The following CTNNA2 variants were observed in gnomAD, a reference collection of about 807,000 sequenced individuals.
CTNNA2 encodes catenin alpha 2, also known as catenin alpha-2.
Under a neutral mutation model 101.0 loss-of-function variants are expected in CTNNA2, and 42 were observed. That is an observed-to-expected ratio of 0.42 (90% CI 0.32 to 0.54). CTNNA2 has a LOEUF of 0.54. Ranked by LOEUF, CTNNA2 falls within the 20% of genes least tolerant of loss-of-function variation. The probability of loss-of-function intolerance (pLI) is 0.14; values close to 1 mark genes in which losing one functional copy is unlikely to be tolerated. For missense variants in CTNNA2, 871 were observed against 1,223.1 expected (o/e 0.71, Z 4.29); for synonymous variants, 450 against 456.4 (o/e 0.99, Z 0.18).
intron 7 of CTNNA2, among the ~76,000 whole-genome samples, chr2:80,105,541 T>G (rs1276665410): frequency 6.6e-6 from 1 of 152,054 alleles, no homozygotes; most frequent in Non-Finnish European, 1.5e-5. Flanking sequence ...CTGGGCAACA[T>G]AGTGAGACCC....
intron 4 of CTNNA2, among the ~76,000 whole-genome samples, chr2:79,416,257 CTTTTTTTTTTTT>C (rs66830925): frequency 3.2e-5 from 3 of 94,656 alleles, no homozygotes; most frequent in Non-Finnish European, 4.2e-5. Flanking sequence ...CTTTCCTTTT[CTTTTTTTTTTTT>C]TTTTTTTTTT....
intron 18 of CTNNA2, among the ~76,000 whole-genome samples, chr2:80,638,043 A>C (rs1673063241): frequency 6.6e-6 from 1 of 152,162 alleles, no homozygotes; most frequent in African/African-American, 2.4e-5. Context: ...ATGGGTTCCT[A>C]GATAATTGTT....
intron 5 of CTNNA2, among the ~76,000 whole-genome samples, chr2:79,872,793 T>C (rs1457925057): frequency 6.6e-6 from 1 of 152,154 alleles, no homozygotes; most frequent in African/African-American, 2.4e-5. Flanking sequence ...AATGAGCAAA[T>C]AGGAAGAGAA....
chr2:80,383,914 A>G (rs138530209), intron 7 of CTNNA2, among the ~76,000 whole-genome samples: 32 of 152,336 alleles, frequency 2.1e-4, no homozygotes, highest in African/African-American at 7.7e-4. Context: ...CATGGTCTCA[A>G]CCTAAATGAC....
At chr2:79,626,720 T>G (rs956218040) in intron 1 of CTNNA2, among the ~76,000 whole-genome samples, 2 of 151,652 alleles carry the variant, frequency 1.3e-5, no homozygotes, top group African/African-American at 4.8e-5. Context: ...TAAACAGGGC[T>G]GGCTAAACAG....
intron 7 of CTNNA2, chr2:80,163,124 A>T: frequency 6.3e-7 from 1 of 1,575,498 alleles, no homozygotes; most frequent in South Asian, 1.1e-5. Flanking sequence ...TATCTTTTGG[A>T]ATTTCACCTT....
At chr2:79,872,006 GA>G (rs1208249779) in intron 5 of CTNNA2, among the ~76,000 whole-genome samples, 5 of 152,134 alleles carry the variant, frequency 3.3e-5, no homozygotes, top group African/African-American at 1.2e-4. Context: ...AAGGAAAGGG[GA>G]AAAACACATA....
Position 79,902,283 on chromosome 2 carries a change from G to A in CTNNA2, c.853-7311G>A, listed in dbSNP as rs367592639. 1.4e-4 allele frequency among the ~76,000 whole-genome samples: 22 copies of A among 152,188 alleles called. No individual in the cohort carries two copies. The East Asian group carries it at 3.5e-3, about 24-fold the overall frequency. On this transcript the variant is annotated intron_variant, in intron 6 of 18. Coordinates refer to ENST00000402739, the MANE Select transcript of CTNNA2 (RefSeq NM_001282597.3). ...CATAGACGCCAGAGCTAGAGGGCAC[G>A]CATCCCAATTCCAGCCCTGCTCTTT...
At chr2:80,277,923 G>C (rs551682112) in intron 7 of CTNNA2, among the ~76,000 whole-genome samples, 1 of 151,990 alleles carries the variant, frequency 6.6e-6, no homozygotes, top group East Asian at 1.9e-4. Context: ...TACTTTCCCC[G>C]GGTTAAGCCA....
At chr2:79,562,948 T>C (rs1674873809) in intron 1 of CTNNA2, among the ~76,000 whole-genome samples, 1 of 151,900 alleles carries the variant, frequency 6.6e-6, no homozygotes, top group Non-Finnish European at 1.5e-5. Context: ...GAAACTTATT[T>C]TCTAATATAT....
intron 9 of CTNNA2, among the ~76,000 whole-genome samples, chr2:80,517,950 T>C (rs1689230198): frequency 6.6e-6 from 1 of 152,144 alleles, no homozygotes; most frequent in Non-Finnish European, 1.5e-5. Flanking sequence ...AGAATTCACA[T>C]CCCTAAAGTA....
chr2:79,628,097 G>A (rs536656515), intron 1 of CTNNA2, among the ~76,000 whole-genome samples: 1 of 152,204 alleles, frequency 6.6e-6, no homozygotes, highest in East Asian at 1.9e-4. Context: ...AAATTAGTTG[G>A]TATTTTGACC....
intron 7 of CTNNA2, among the ~76,000 whole-genome samples, chr2:80,293,403 A>C (rs1330379707): frequency 6.6e-6 from 1 of 152,198 alleles, no homozygotes; most frequent in African/African-American, 2.4e-5. Context: ...CTGATGGTGA[A>C]CACCTAAAAA....
Position 80,114,008 on chromosome 2 carries a change from C to G in CTNNA2, c.1056+204211C>G, listed in dbSNP as rs937679948. ...GGCAAACTCTTCCAGTGTTTATGAC[C>G]ATTTTATTATCTGCATCATGAGGTG... On this transcript the variant is annotated intron_variant, in intron 7 of 18. Transcript: ENST00000402739. Among the ~76,000 whole-genome samples, 50 of 152,230 alleles carry G rather than the reference C, an allele frequency of 3.3e-4. 1 individual carries two copies. Among genetic ancestry groups the G allele is most frequent in the African/African-American group, 1.2e-3 (48 of 41,548 alleles).
In CTNNA2 at chr2:79,912,864, G is replaced by A. The variant is rs143482402; in HGVS notation, c.1056+3067G>A. On this transcript the variant is annotated intron_variant, in intron 7 of 18. Coordinates refer to ENST00000402739, the MANE Select transcript of CTNNA2 (RefSeq NM_001282597.3). ...ATAGTGAACACATAAACCTTCCTTG[G>A]GAACTTATAATTTTATGCAGCTTTC... is the stretch of plus-strand genomic sequence containing the variant. Among the ~76,000 whole-genome samples the A allele has an allele frequency of 1.9e-3, 295 of 152,156 alleles. 4 individuals are homozygous for A. Among genetic ancestry groups the A allele is most frequent in the African/African-American group, 6.0e-3 (249 of 41,518 alleles).
intron 18 of CTNNA2, among the ~76,000 whole-genome samples, chr2:80,627,351 T>C (rs2149820589): frequency 6.6e-6 from 1 of 152,286 alleles, no homozygotes; most frequent in African/African-American, 2.4e-5. Flanking sequence ...AAAGCGTTCC[T>C]ATTTCTCCAC....
intron 2 of CTNNA2, among the ~76,000 whole-genome samples, chr2:79,692,724 G>A (rs1319403900): frequency 2.0e-5 from 3 of 151,888 alleles, no homozygotes; most frequent in African/African-American, 7.3e-5. Context: ...TCCTTTGCAC[G>A]GACATGGATG....
At chr2:79,632,492 A>G (rs1238474481) in intron 1 of CTNNA2, among the ~76,000 whole-genome samples, 1 of 152,232 alleles carries the variant, frequency 6.6e-6, no homozygotes, top group Non-Finnish European at 1.5e-5. Flanking sequence ...CGATGCTTCT[A>G]GATTGCCATT....
chr2:79,921,286 G>A (rs1558643204), intron 7 of CTNNA2, among the ~76,000 whole-genome samples: 3 of 152,266 alleles, frequency 2.0e-5, no homozygotes, highest in East Asian at 1.9e-4. Context: ...AATATAGCAC[G>A]GGTTAAAAAC....
Sources: allele counts gnomAD v4.1 joint callset (sites outside exome capture counted in the v4.1 genomes callset), GRCh38; gene constraint gnomAD v4.1.1; transcripts MANE v1.5; gene names NCBI Gene and HGNC (gene_info 2026-07-23, HGNC 2026-07-21).